Variants in PTCD2 observed in about 807,000 individuals in gnomAD.
PTCD2 encodes the protein pentatricopeptide repeat-containing protein 2, mitochondrial.
A neutral mutation model predicts 42.6 loss-of-function variants in PTCD2; 31 were observed. The ratio of observed to expected loss-of-function variants is 0.73; its 90% CI spans 0.55 to 0.98. The LOEUF (loss-of-function observed/expected upper bound fraction) is 0.98. Among genes scored for constraint, PTCD2 ranks in the 50% least tolerant of loss-of-function variants. The pLI, the probability that PTCD2 is intolerant of heterozygous loss-of-function variation, is 0.00. For missense variants in PTCD2, 476 were observed against 454.8 expected (o/e 1.05, Z -0.42); for synonymous variants, 183 against 170.9 (o/e 1.07, Z -0.55).
At chr5:72,341,696 A>G (rs1359964570) in intron 7 of PTCD2, among the ~76,000 whole-genome samples, 1 of 152,106 alleles carries the variant, frequency 6.6e-6, no homozygotes, top group African/African-American at 2.4e-5. Context: ...GTGAGCCATG[A>G]TTCCACCACT....
intron 8 of PTCD2, among the ~76,000 whole-genome samples, chr5:72,347,892 G>T (rs1390166771): frequency 6.6e-6 from 1 of 152,278 alleles, no homozygotes; most frequent in South Asian, 2.1e-4. Flanking sequence ...GGCTAGAAAG[G>T]AAAGTCAGCC....
rs1263562760 is a variant in PTCD2 at position 72,358,380 on chromosome 5, A to G, written c.1120A>G (p.Ser374Gly). The G allele has an allele frequency of 2.5e-6, 4 of 1,613,772 alleles. No individual in the cohort carries two copies. Among genetic ancestry groups the G allele is most frequent in the Non-Finnish European group, 3.4e-6 (4 of 1,179,992 alleles). Residue 374 changes from serine to glycine, a missense_variant, in exon 10 of 10, where the codon AGC (serine) becomes GGC (glycine). Coordinates refer to ENST00000380639, the MANE Select transcript of PTCD2 (RefSeq NM_024754.5). ...HTLLLNKRMV[S>G]RRTFQPLSQS... Reference sequence around the variant, plus strand: ...GTTGCTATTAAACAAGAGGATGGTCAGCCGTCGCACCTTCCAGCCACTCAG... The same window carrying G: ...GTTGCTATTAAACAAGAGGATGGTCGGCCGTCGCACCTTCCAGCCACTCAG...
At position 72,351,059 on chromosome 5, in the gene PTCD2, G is replaced by A. The variant is rs575691933; in HGVS notation, c.829-1582G>A. 4.6e-5 allele frequency among the ~76,000 whole-genome samples: 7 copies of A among 152,294 alleles called. No homozygotes were observed. In the South Asian group the frequency reaches 1.5e-3, roughly 32 times the overall value. ...CTATGAGGAAATAAATGTCTGTTGT[G>A]TAGTAATTGACCAAAAGTAGAATCA... On this transcript the variant is annotated intron_variant, in intron 8 of 9. Coordinates refer to ENST00000380639, the MANE Select transcript of PTCD2 (RefSeq NM_024754.5).
At chr5:72,339,437 A>AAT (rs1751932579) in intron 7 of PTCD2, among the ~76,000 whole-genome samples, 1 of 152,238 alleles carries the variant, frequency 6.6e-6, no homozygotes. Context: ...TGGCTGGTAA[A>AAT]ATATAGCTGG....
chr5:72,354,566 A>G (rs1175664032), intron 9 of PTCD2, among the ~76,000 whole-genome samples: 4 of 152,126 alleles, frequency 2.6e-5, no homozygotes, highest in South Asian at 2.1e-4. Flanking sequence ...AAACTACCCT[A>G]TGATATTTCT....
In PTCD2 at chr5:72,362,574, C is replaced by T. The variant is rs1753118373; in HGVS notation, c.*4147C>T. Reference sequence around the variant, plus strand: ...CTCAGCCCACTGTGTATCCCTTCCTCCTCCCAACCAAAGTGTCCCCACTCT... The same window carrying T: ...CTCAGCCCACTGTGTATCCCTTCCTTCTCCCAACCAAAGTGTCCCCACTCT... On this transcript the variant is annotated 3_prime_UTR_variant, in exon 10 of 10. Coordinates refer to ENST00000380639, the MANE Select transcript of PTCD2 (RefSeq NM_024754.5). 1 of 152,250 alleles carries T rather than the reference C, an allele frequency of 6.6e-6. No individual in the cohort carries two copies. The highest frequency in any genetic ancestry group is 1.5e-5 in the Non-Finnish European group (1 of 68,084). The allele number at this position is 152,250 out of a possible 1,614,324, so 9.4% of individuals were successfully genotyped here. A position where few individuals can be genotyped will look rare whatever the true frequency, so the allele number is the denominator to read the frequency against.
At chr5:72,323,149 C>CA (rs1311174701) in intron 2 of PTCD2, among the ~76,000 whole-genome samples, 25 of 150,372 alleles carry the variant, frequency 1.7e-4, no homozygotes, top group Admixed American at 1.3e-3. Context: ...GACCCTGTCT[C>CA]AAAAAAAAGA....
At chr5:72,331,690 C>T (rs898565431) in intron 4 of PTCD2, among the ~76,000 whole-genome samples, 3 of 152,184 alleles carry the variant, frequency 2.0e-5, no homozygotes, top group Admixed American at 6.5e-5. Flanking sequence ...CATTTAAAGA[C>T]TGACATTCCT....
chr5:72,358,514 C>G lies in PTCD2; in HGVS notation c.*87C>G. On this transcript the variant is annotated 3_prime_UTR_variant, in exon 10 of 10. Coordinates refer to ENST00000380639, the MANE Select transcript of PTCD2 (RefSeq NM_024754.5). ...TAAGAAGCCAGGTATCGCACTTCAGCAGACAGTGTGCTGACACTTGGTCTT... is the reference window on the plus strand; with the variant it reads ...TAAGAAGCCAGGTATCGCACTTCAGGAGACAGTGTGCTGACACTTGGTCTT... The G allele has an allele frequency of 2.2e-6, 2 of 922,624 alleles. No individual in the cohort carries two copies. Among genetic ancestry groups the G allele is most frequent in the African/African-American group, 1.6e-5 (1 of 61,144 alleles). 57.2% of individuals were successfully genotyped at this position (922,624 alleles called of 1,614,324 possible). A position where few individuals can be genotyped will look rare whatever the true frequency, so the allele number is the denominator to read the frequency against.
At position 72,365,232 on chromosome 5, in the gene PTCD2, A is replaced by G. The variant is rs1024581255; in HGVS notation, c.*6805A>G. The G allele has an allele frequency of 1.3e-5, 2 of 152,370 alleles. No individual in the cohort carries two copies. The highest frequency in any genetic ancestry group is 4.8e-5 in the African/African-American group (2 of 41,470). 9.4% of individuals were successfully genotyped at this position (152,370 alleles called of 1,614,324 possible). On this transcript the variant is annotated 3_prime_UTR_variant, in exon 10 of 10. Coordinates refer to ENST00000380639, the MANE Select transcript of PTCD2 (RefSeq NM_024754.5). The stretch of plus-strand genomic sequence containing the variant: ...GGGCCTCTGAGATGGCCTGCAAGGC[A>G]TCACGGTCTGTGAACTGGTCTGTGA...
chr5:72,343,095 A>G lies in PTCD2; in HGVS notation c.828+59A>G, dbSNP rs905217179. ...TGAAATGTATTATAATAAATGTATTATAATAAAATTATACCTAAATTTTTT... is the reference window on the plus strand; with the variant it reads ...TGAAATGTATTATAATAAATGTATTGTAATAAAATTATACCTAAATTTTTT... On this transcript the variant is annotated intron_variant, in intron 8 of 9. Coordinates refer to ENST00000380639, the MANE Select transcript of PTCD2 (RefSeq NM_024754.5). The G allele has an allele frequency of 3.6e-5, 32 of 882,870 alleles. No homozygotes were observed. The Admixed American group carries it at 1.0e-3, about 29-fold the overall frequency. The allele number at this position is 882,870 out of a possible 1,614,324, so 54.7% of individuals were successfully genotyped here.
Position 72,320,414 on chromosome 5 carries a change from G to C in PTCD2, c.32G>C (p.Arg11Pro). 1 of 1,614,134 alleles carries C rather than the reference G, an allele frequency of 6.2e-7. No homozygotes were observed. Residue 11 changes from arginine (R) to proline (P), a missense_variant, in exon 1 of 10, where the codon CGG (arginine) becomes CCG (proline). Coordinates refer to ENST00000380639, the MANE Select transcript of PTCD2 (RefSeq NM_024754.5). The part of the protein sequence containing the change: MVRDSMAAAF[R>P]PSNRVLLQAL... ...CGAGACAGTATGGCTGCTGCATTTC[G>C]GCCCTCGAATCGAGTTCTCCTGCAG...
At position 72,358,819 on chromosome 5, in the gene PTCD2, A is replaced by G; in HGVS notation, c.*392A>G. The G allele has an allele frequency of 4.5e-6, 1 of 224,408 alleles. No homozygotes were observed. Among genetic ancestry groups the G allele is most frequent in the South Asian group, 7.6e-5 (1 of 13,162 alleles). 13.9% of individuals were successfully genotyped at this position (224,408 alleles called of 1,614,324 possible). A position where few individuals can be genotyped will look rare whatever the true frequency, so the allele number is the denominator to read the frequency against. On this transcript the variant is annotated 3_prime_UTR_variant, in exon 10 of 10. Transcript: ENST00000380639. ...TGCAAATTACATCCTTGCTGAATTC[A>G]GGAGGTATGAAACCCTATTTTACCA...
chr5:72,356,119 T>C (rs1752864054), intron 9 of PTCD2, among the ~76,000 whole-genome samples: 1 of 152,228 alleles, frequency 6.6e-6, no homozygotes, highest in Admixed American at 6.5e-5. Flanking sequence ...GGAGTAAGTT[T>C]AGAAAAGTAG....
rs779965649 is a variant in PTCD2, at chr5:72,338,651, T to C, written c.669T>C (p.Thr223=). The C allele has an allele frequency of 6.2e-7, 1 of 1,610,040 alleles. No homozygotes were observed. Among genetic ancestry groups the C allele is most frequent in the South Asian group, 1.1e-5 (1 of 90,826 alleles). ...LNSPESFKIC[T]TLREEALLKG... ...GCCCTGAGTCTTTCAAAATCTGTAC[T>C]ACATTAAGAGAAGAAGCTCTACTCA... The change falls in exon 7 of 10, where the codon ACT becomes ACC. Residue 223 remains threonine, a synonymous_variant. Transcript: ENST00000380639.
Position 72,320,520 on chromosome 5 carries a change from CT to C in PTCD2, c.127+14del. The C allele has an allele frequency of 6.2e-7, 1 of 1,613,550 alleles. No individual in the cohort carries two copies. ...GCTGCCCTCTCGGAGGTATCCGCGG[CT>C]TTAGCCTAGGGAAGGAGGGGAGGGA... On this transcript the variant is annotated intron_variant, in intron 1 of 9. Transcript: ENST00000380639.
At chr5:72,342,920 G>A in intron 7 of PTCD2, 42 bp from the exon 8 acceptor site, 2 of 1,269,822 alleles carry the variant, frequency 1.6e-6, no homozygotes, top group Non-Finnish European at 2.3e-6. Context: ...AATAACATTA[G>A]TTCCTATGAT....
rs1431993069 is a variant in PTCD2, at chr5:72,367,518, G to T, written c.*9091G>T. On this transcript the variant is annotated 3_prime_UTR_variant, in exon 10 of 10. Coordinates refer to ENST00000380639, the MANE Select transcript of PTCD2 (RefSeq NM_024754.5). ...GTGGCCCACAGAGTTGGTATGGTTT[G>T]GCCACACCAGCTCAGGGATAAAGGT... The T allele has an allele frequency of 6.6e-6, 1 of 152,070 alleles. No individual in the cohort carries two copies. The highest frequency in any genetic ancestry group is 6.5e-5 in the Admixed American group (1 of 15,276). 9.4% of individuals were successfully genotyped at this position (152,070 alleles called of 1,614,324 possible). A position where few individuals can be genotyped will look rare whatever the true frequency, so the allele number is the denominator to read the frequency against.
intron 7 of PTCD2, among the ~76,000 whole-genome samples, chr5:72,341,305 A>G (rs1752046356): frequency 6.6e-6 from 1 of 152,080 alleles, no homozygotes; most frequent in African/African-American, 2.4e-5. Flanking sequence ...CAGCCTCCCA[A>G]AGTGCCGGGA....
Sources: gnomAD v4.1 joint callset for allele counts (sites outside exome capture counted in the v4.1 genomes callset) on GRCh38, gnomAD v4.1.1 for gene constraint, MANE v1.5 for transcripts, NCBI Gene and HGNC (gene_info 2026-07-23, HGNC 2026-07-21) for gene names.